The following NRXN1 variants were observed in gnomAD, a reference collection of about 807,000 sequenced individuals.
The protein encoded by NRXN1 is neurexin 1.
NRXN1 carries 39 observed loss-of-function variants against 150.9 expected under a neutral mutation model. The ratio of observed to expected loss-of-function variants is 0.26; its 90% CI spans 0.20 to 0.34. The LOEUF is 0.34. Ranked by LOEUF, NRXN1 falls within the 10% of genes least tolerant of loss-of-function variation. NRXN1 has a pLI of 1.00. For synonymous variants in NRXN1, 924 were observed against 757.0 expected, an observed-to-expected ratio of 1.22 and a Z score of -3.62; for missense variants, 1,815 against 1,949.9, an observed-to-expected ratio of 0.93 and a Z score of 1.30.
At chr2:50,695,568 C>T (rs1051394202) in intron 5 of NRXN1, among the ~76,000 whole-genome samples, 1 of 152,096 alleles carries the variant, frequency 6.6e-6, no homozygotes, top group Admixed American at 6.6e-5. Flanking sequence ...AGAGATTAGA[C>T]TAAGTCTTTG....
intron 18 of NRXN1, among the ~76,000 whole-genome samples, chr2:50,186,458 C>T (rs962249645): frequency 6.6e-6 from 1 of 152,072 alleles, no homozygotes; most frequent in Non-Finnish European, 1.5e-5. Context: ...GAAGTTACAT[C>T]ATCAGGGTCC....
chr2:50,303,125 T>C (rs1575003830), intron 17 of NRXN1, among the ~76,000 whole-genome samples: 1 of 152,302 alleles, frequency 6.6e-6, no homozygotes, highest in Non-Finnish European at 1.5e-5. Flanking sequence ...CATCTGGATC[T>C]CATTGGAGTA....
intron 19 of NRXN1, among the ~76,000 whole-genome samples, chr2:50,072,785 C>CA (rs1356201155): frequency 6.6e-6 from 1 of 152,048 alleles, no homozygotes; most frequent in Non-Finnish European, 1.5e-5. Context: ...CAGGGCTGAC[C>CA]ACCTCCACTG....
intron 5 of NRXN1, among the ~76,000 whole-genome samples, chr2:50,654,312 G>C (rs1354981458): frequency 1.3e-5 from 2 of 150,446 alleles, no homozygotes; most frequent in East Asian, 4.0e-4. Context: ...AGTTTGCTGA[G>C]AATGATGGTT....
chr2:50,936,713 T>A lies in NRXN1; in HGVS notation c.773-10758A>T, dbSNP rs533711005. On this transcript the variant is annotated intron_variant, in intron 2 of 22. Coordinates refer to ENST00000401669, the MANE Select transcript of NRXN1 (RefSeq NM_001330078.2). ...TGAATAGAAAGTGTCATCGTTTTTT[T>A]AATTAATATGGCTCAGAGCAATATG... 2.6e-5 allele frequency among the ~76,000 whole-genome samples: 4 copies of A among 152,286 alleles called. 1 individual carries two copies. Among genetic ancestry groups the A allele is most frequent in the African/African-American group, 9.6e-5 (4 of 41,576 alleles).
intron 19 of NRXN1, among the ~76,000 whole-genome samples, chr2:50,069,336 C>T (rs927041938): frequency 2.6e-5 from 4 of 152,136 alleles, no homozygotes; most frequent in Admixed American, 1.3e-4. Flanking sequence ...GACTGGATGG[C>T]TTCTAAGCTG....
At chr2:51,025,227 G>A (rs1048528697) in intron 2 of NRXN1, among the ~76,000 whole-genome samples, 1 of 152,110 alleles carries the variant, frequency 6.6e-6, no homozygotes, top group Non-Finnish European at 1.5e-5. Context: ...CAATGCTTCA[G>A]AAGAATCCTA....
At chr2:50,487,750 A>C (rs2090980019) in intron 15 of NRXN1, among the ~76,000 whole-genome samples, 1 of 152,194 alleles carries the variant, frequency 6.6e-6, no homozygotes, top group Non-Finnish European at 1.5e-5. Context: ...TGATAGTGAC[A>C]TTCCCTTTTG....
Position 49,918,601 on chromosome 2 carries a change from T to C in NRXN1, c.*3343A>G, listed in dbSNP as rs1667699322. The C allele has an allele frequency of 6.6e-6, 1 of 152,146 alleles. No homozygotes were observed. Among genetic ancestry groups the C allele is most frequent in the Non-Finnish European group, 1.5e-5 (1 of 67,988 alleles). 9.4% of individuals were successfully genotyped at this position (152,146 alleles called of 1,614,324 possible). On this transcript the variant is annotated 3_prime_UTR_variant, in exon 23 of 23. Coordinates refer to ENST00000401669, the MANE Select transcript of NRXN1 (RefSeq NM_001330078.2). ...TATTTATGAAATTAGTATTTTAATA[T>C]TGTTTGCAACTAATACTGTATGAGT...
At chr2:50,133,473 C>T (rs1705880631) in intron 18 of NRXN1, among the ~76,000 whole-genome samples, 1 of 152,186 alleles carries the variant, frequency 6.6e-6, no homozygotes, top group Non-Finnish European at 1.5e-5. Context: ...CCATTTGACA[C>T]CCAAATCTTC....
At chr2:50,813,714 A>G (rs1668542960) in intron 5 of NRXN1, among the ~76,000 whole-genome samples, 1 of 152,172 alleles carries the variant, frequency 6.6e-6, no homozygotes, top group Admixed American at 6.6e-5. Context: ...GAACATGCAT[A>G]TACAAAGGCA....
At chr2:50,750,893 A>C (rs957831575) in intron 5 of NRXN1, among the ~76,000 whole-genome samples, 1 of 152,068 alleles carries the variant, frequency 6.6e-6, no homozygotes, top group African/African-American at 2.4e-5. Context: ...ATAATGGAGA[A>C]TGCATATTTC....
Position 50,834,885 on chromosome 2 carries a change from C to A in NRXN1, c.832+86984G>T, listed in dbSNP as rs992106496. 2.6e-5 allele frequency among the ~76,000 whole-genome samples: 4 copies of A among 152,218 alleles called. No homozygotes were observed. In the South Asian group the frequency reaches 8.3e-4, roughly 32 times the overall value. ...AGAAACACTGGACCAGAGAGACAGT[C>A]CCTCACTCTTGCAGCTTTAACACTT... On this transcript the variant is annotated intron_variant, in intron 5 of 22. Coordinates refer to ENST00000401669, the MANE Select transcript of NRXN1 (RefSeq NM_001330078.2).
intron 22 of NRXN1, among the ~76,000 whole-genome samples, chr2:49,937,563 C>G (rs17039484): frequency 1.3e-5 from 2 of 151,984 alleles, no homozygotes; most frequent in Non-Finnish European, 1.5e-5. Flanking sequence ...TACACCAGCA[C>G]GTTGCACACT....
At chr2:50,060,127 A>T (rs181580330) in intron 19 of NRXN1, among the ~76,000 whole-genome samples, 1 of 152,158 alleles carries the variant, frequency 6.6e-6, no homozygotes, top group Non-Finnish European at 1.5e-5. Context: ...CAGCCCATGA[A>T]AGCAGCCAGG....
In NRXN1 at chr2:50,379,117, G is replaced by GA. The variant is rs149823712; in HGVS notation, c.3364+86324dup. Among the ~76,000 whole-genome samples the GA allele has an allele frequency of 8.1e-3, 1,211 of 149,358 alleles. 40 individuals are homozygous for GA. In the East Asian group the frequency reaches 0.12, roughly 15 times the overall value. On this transcript the variant is annotated intron_variant, in intron 17 of 22. Transcript: ENST00000401669. The stretch of plus-strand genomic sequence containing the variant: ...TTTGAACAGAGGAGAGGGATAGAAA[G>GA]AAAAAAAAAGACTGGAAAAGAAAGA...
chr2:50,466,601 G>A, intron 16 of NRXN1: 1 of 426,044 alleles, frequency 2.3e-6, no homozygotes, highest in Non-Finnish European at 4.6e-6. Context: ...GCTGTAAAGA[G>A]GGAGAAAAAT....
chr2:50,932,351 T>C (rs530551960), intron 2 of NRXN1, among the ~76,000 whole-genome samples: 5 of 152,152 alleles, frequency 3.3e-5, no homozygotes, highest in African/African-American at 1.2e-4. Context: ...GGAATATCTT[T>C]TTCCACCTCT....
At position 50,750,533 on chromosome 2, in the gene NRXN1, T is replaced by C. The variant is rs189499831; in HGVS notation, c.833-126918A>G. Among the ~76,000 whole-genome samples the C allele has an allele frequency of 3.4e-3, 512 of 152,148 alleles. 2 individuals carry two copies. The highest frequency in any genetic ancestry group is 6.8e-3 in the Middle Eastern group (2 of 294). ...ATGCAGCAAACCAACATGACACATG[T>C]ATACATATGTAACAAACCTGCATGT... On this transcript the variant is annotated intron_variant, in intron 5 of 22. Transcript: ENST00000401669.
Sources: allele counts gnomAD v4.1 joint callset (sites outside exome capture counted in the v4.1 genomes callset), GRCh38; gene constraint gnomAD v4.1.1; transcripts MANE v1.5; gene names NCBI Gene and HGNC (gene_info 2026-07-23, HGNC 2026-07-21).